The following KANSL2 variants were observed in gnomAD, a reference collection of about 807,000 sequenced individuals.
KANSL2 encodes NSL complex protein NSL2.
In KANSL2, 34 loss-of-function variants were observed where a neutral mutation model predicts 55.6. The observed-to-expected ratio is 0.61, with a 90% CI of 0.46 to 0.81. The LOEUF is 0.81. Among genes scored for constraint, KANSL2 ranks in the 40% least tolerant of loss-of-function variants. The pLI is 0.00. For synonymous variants in KANSL2, 209 were observed against 214.3 expected, an observed-to-expected ratio of 0.98 and a Z score of 0.22; for missense variants, 502 against 609.9, an observed-to-expected ratio of 0.82 and a Z score of 1.86.
At chr12:48,679,508 G>A in intron 3 of KANSL2, 147 bp downstream of exon 3, 1 of 678,578 alleles carries the variant, frequency 1.5e-6, no homozygotes. Flanking sequence ...CAAAAGAACT[G>A]GTAAACAACA....
At chr12:48,679,184 T>A in intron 3 of KANSL2, 34 bp from the exon 4 acceptor site, 1 of 1,382,354 alleles carries the variant, frequency 7.2e-7, no homozygotes, top group Non-Finnish European at 1.0e-6. Context: ...CCATTAAGAC[T>A]TCCCACCTCT....
chr12:48,657,500 AT>A (rs111413314), intron 8 of KANSL2, among the ~76,000 whole-genome samples: 5,405 of 152,156 alleles, frequency 0.036, 145 homozygotes, highest in African/African-American at 0.072. Flanking sequence ...CCTACCATTC[AT>A]TTTCAGGTGA....
intron 4 of KANSL2, among the ~76,000 whole-genome samples, chr12:48,672,433 A>ATAT (rs371918890): frequency 9.1e-5 from 11 of 120,378 alleles, no homozygotes; most frequent in Admixed American, 3.4e-4. Flanking sequence ...ATATATATAT[A>ATAT]TTTTTTTTTT....
intron 2 of KANSL2, among the ~76,000 whole-genome samples, chr12:48,680,974 C>A (rs1205859402): frequency 6.6e-6 from 1 of 151,666 alleles, no homozygotes; most frequent in South Asian, 2.1e-4. Context: ...TGTGCGCCGC[C>A]CCCCCGCCAA....
At chr12:48,669,702 T>C (rs1939672790) in intron 5 of KANSL2, among the ~76,000 whole-genome samples, 2 of 151,864 alleles carry the variant, frequency 1.3e-5, no homozygotes, top group Admixed American at 6.6e-5. Context: ...TTTGTATTTT[T>C]AGTAGAGACA....
At chr12:48,672,421 A>ATACG (rs1555155451) in intron 4 of KANSL2, among the ~76,000 whole-genome samples, 1 of 113,066 alleles carries the variant, frequency 8.8e-6, no homozygotes, top group Non-Finnish European at 1.9e-5. Context: ...ATATATATAT[A>ATACG]TATATATATA....
At chr12:48,680,978 CCG>C (rs1565610795) in intron 2 of KANSL2, among the ~76,000 whole-genome samples, 5 of 150,496 alleles carry the variant, frequency 3.3e-5, no homozygotes, top group African/African-American at 4.9e-5. Flanking sequence ...CGCCGCCCCC[CCG>C]CCAAAAAATT....
At chr12:48,658,100 G>A (rs1375767752) in intron 8 of KANSL2, among the ~76,000 whole-genome samples, 1 of 151,900 alleles carries the variant, frequency 6.6e-6, no homozygotes, top group African/African-American at 2.4e-5. Flanking sequence ...GCACAGTGGG[G>A]CGCACCTGTA....
At chr12:48,655,195 T>C in intron 8 of KANSL2, 135 bp from the exon 9 acceptor site, 1 of 774,806 alleles carries the variant, frequency 1.3e-6, no homozygotes, top group South Asian at 2.0e-5. Context: ...AAAAAAATTT[T>C]ACAAGAGCGT....
intron 9 of KANSL2, chr12:48,654,512 G>C (rs749038492): frequency 3.2e-6 from 2 of 629,626 alleles, no homozygotes; most frequent in Non-Finnish European, 6.2e-6. Flanking sequence ...TCTTCAGTCA[G>C]GGCCACTGGA....
intron 4 of KANSL2, among the ~76,000 whole-genome samples, chr12:48,675,874 G>A (rs925349244): frequency 6.6e-6 from 1 of 152,182 alleles, no homozygotes; most frequent in South Asian, 2.1e-4. Context: ...CTTCAAAAAA[G>A]AGGGTCTCAC....
At chr12:48,666,003 AG>A (rs1329209392) in intron 7 of KANSL2, among the ~76,000 whole-genome samples, 2 of 152,180 alleles carry the variant, frequency 1.3e-5, no homozygotes, top group Admixed American at 6.5e-5. Flanking sequence ...ACATGAGCTC[AG>A]AAGTTCGAGA....
chr12:48,678,651 GA>G (rs1555156027), intron 4 of KANSL2, among the ~76,000 whole-genome samples: 1 of 152,114 alleles, frequency 6.6e-6, no homozygotes, highest in Non-Finnish European at 1.5e-5. Context: ...ACATTTTGCA[GA>G]AGTATTCAAC....
rs1939919432 is a variant in KANSL2, at chr12:48,681,198, A to C, written c.251+184T>G. ...ATAAGGGAAAAGAACCAAAGAGGTG[A>C]ACTAAGTAATCCAACTCAAGGGTCT... On this transcript the variant is annotated intron_variant, in intron 2 of 9. Transcript: ENST00000420613. The C allele has an allele frequency of 7.1e-6, 4 of 559,868 alleles. No individual in the cohort carries two copies. In the Admixed American group the frequency reaches 1.4e-4, roughly 19 times the overall value. The allele number at this position is 559,868 out of a possible 1,614,324, so 34.7% of individuals were successfully genotyped here. A position where few individuals can be genotyped will look rare whatever the true frequency, so the allele number is the denominator to read the frequency against.
At chr12:48,662,666 A>C (rs1768542624) in intron 7 of KANSL2, 1 of 1,286,344 alleles carries the variant, frequency 7.8e-7, no homozygotes, top group Admixed American at 2.3e-5. Context: ...TGGGATAAGG[A>C]CTTAAGGAAG....
At chr12:48,656,419 G>A (rs939762831) in intron 8 of KANSL2, among the ~76,000 whole-genome samples, 10 of 151,732 alleles carry the variant, frequency 6.6e-5, no homozygotes, top group African/African-American at 1.9e-4. Flanking sequence ...GACTATGGGC[G>A]TGTGCCACCA....
At chr12:48,669,520 A>ATT (rs200007305) in intron 5 of KANSL2, among the ~76,000 whole-genome samples, 2 of 149,504 alleles carry the variant, frequency 1.3e-5, no homozygotes, top group Non-Finnish European at 1.5e-5. Context: ...CTGGAAAAAA[A>ATT]ATTTTTTTTT....
intron 3 of KANSL2, 78 bp downstream of exon 3, chr12:48,679,577 C>A (rs2137206180): frequency 1.8e-6 from 2 of 1,128,494 alleles, no homozygotes; most frequent in South Asian, 1.5e-5. Context: ...CCAAATAGAT[C>A]AAGGCATTGT....
At chr12:48,679,285 G>A (rs1228975558) in intron 3 of KANSL2, 135 bp from the exon 4 acceptor site, 7 of 713,654 alleles carry the variant, frequency 9.8e-6, no homozygotes, top group Admixed American at 4.4e-5. Flanking sequence ...TTAGTACAAA[G>A]GTACTGGCAA....
Sources: allele counts gnomAD v4.1 joint callset (sites outside exome capture counted in the v4.1 genomes callset), GRCh38; gene constraint gnomAD v4.1.1; transcripts MANE v1.5; gene names NCBI Gene and HGNC (gene_info 2026-07-23, HGNC 2026-07-21).